The following DDX23 variants were observed in gnomAD, a reference collection of about 807,000 sequenced individuals.
DDX23 encodes probable ATP-dependent RNA helicase DDX23.
In DDX23, 33 loss-of-function variants were observed where a neutral mutation model predicts 102.7. The observed-to-expected ratio is 0.32, with a 90% CI of 0.24 to 0.43. The LOEUF is 0.43. Ranked by LOEUF, DDX23 falls within the 20% of genes least tolerant of loss-of-function variation. The pLI is 1.00. For missense variants in DDX23, 549 were observed against 1,086.6 expected, an observed-to-expected ratio of 0.51 and a Z score of 6.96; for synonymous variants, 352 against 376.0, an observed-to-expected ratio of 0.94 and a Z score of 0.74.
chr12:48,832,285 C>G lies in DDX23; in HGVS notation c.1956-99G>C. The G allele has an allele frequency of 6.5e-7, 1 of 1,541,570 alleles. No homozygotes were observed. The highest frequency in any genetic ancestry group is 2.3e-5 in the East Asian group (1 of 44,330). On this transcript the variant is annotated intron_variant, in intron 14 of 16. Coordinates refer to ENST00000308025, the MANE Select transcript of DDX23 (RefSeq NM_004818.3). This position sits in a 1 kb window ranked among gnomAD's most constrained non-coding sequence, Gnocchi z 4.4. ...AACACTACTTTCAGGGTCTTTAATG[C>G]CCATGACATTCTGCCCAAGAAAACA... is the stretch of plus-strand genomic sequence containing the variant.
At position 48,832,025 on chromosome 12, in the gene DDX23, T is replaced by C; in HGVS notation, c.2064+53A>G. ...GAAGAGCCTAGGGGGCCCTGCTAGATTCAGAAAGCAGTGCCACAGAGGCTA... is the reference window on the plus strand; with the variant it reads ...GAAGAGCCTAGGGGGCCCTGCTAGACTCAGAAAGCAGTGCCACAGAGGCTA... On this transcript the variant is annotated intron_variant, in intron 15 of 16. Transcript: ENST00000308025. This position sits in a 1 kb window ranked among gnomAD's most constrained non-coding sequence, Gnocchi z 4.4. 6.4e-7 allele frequency: 1 copy of C among 1,555,254 alleles called. No individual in the cohort carries two copies. Among genetic ancestry groups the C allele is most frequent in the East Asian group, 2.2e-5 (1 of 44,494 alleles).
At position 48,830,540 on chromosome 12, in the gene DDX23, G is replaced by A. The variant is rs1161654244; in HGVS notation, c.2392C>T (p.His798Tyr). The change falls in exon 17 of 17, where the codon CAC becomes TAC. Residue 798 changes from histidine to tyrosine, a missense_variant. This residue lies in a region of DDX23 where 38 missense variants were observed against 94.5 expected (regional missense o/e 0.40). Transcript: ENST00000308025. This position sits in a 1 kb window ranked among gnomAD's most constrained non-coding sequence, Gnocchi z 4.9. ...VSSCPPELANHPDAQHKPGTI... is the reference protein window; with the variant it reads ...VSSCPPELANYPDAQHKPGTI... ...CCTGGCTTATGCTGGGCATCTGGGTGGTTGGCTAGTTCGGGGGGACAGGAA... is the reference window on the plus strand; with the variant it reads ...CCTGGCTTATGCTGGGCATCTGGGTAGTTGGCTAGTTCGGGGGGACAGGAA... The A allele has an allele frequency of 6.2e-7, 1 of 1,613,832 alleles. No individual in the cohort carries two copies. The highest frequency in any genetic ancestry group is 8.5e-7 in the Non-Finnish European group (1 of 1,180,038).
intron 3 of DDX23, among the ~76,000 whole-genome samples, chr12:48,842,317 G>A (rs1218354603): frequency 3.5e-5 from 5 of 143,042 alleles, no homozygotes; most frequent in African/African-American, 7.8e-5. Flanking sequence ...TCCGGGAGGT[G>A]AGGGGCGCCT....
chr12:48,838,492 G>C (rs774984782), intron 5 of DDX23, among the ~76,000 whole-genome samples: 29 of 151,650 alleles, frequency 1.9e-4, no homozygotes, highest in Non-Finnish European at 3.8e-4. Flanking sequence ...TGAGGTTACA[G>C]TGAGCTGTGA....
At position 48,837,584 on chromosome 12, in the gene DDX23, C is replaced by A; in HGVS notation, c.693G>T (p.Glu231Asp). The A allele has an allele frequency of 6.2e-7, 1 of 1,614,188 alleles. No individual in the cohort carries two copies. Among genetic ancestry groups the A allele is most frequent in the South Asian group, 1.1e-5 (1 of 91,082 alleles). Residue 231 changes from glutamate to aspartate, a missense_variant, in exon 7 of 17, where the codon GAG (glutamate) becomes GAT (aspartate). Transcript: ENST00000308025. Reference sequence around the variant, plus strand: ...CTTCCCGGATCTTCTGCCGCCCTTCCTCATCCTCATTTCCATTGGTCTCCC... The same window carrying A: ...CTTCCCGGATCTTCTGCCGCCCTTCATCATCCTCATTTCCATTGGTCTCCC... ...MERETNGNED[E>D]EGRQKIREEK...
At chr12:48,843,848 A>G in intron 3 of DDX23, 92 bp downstream of exon 3, 1 of 1,430,192 alleles carries the variant, frequency 7.0e-7, no homozygotes, top group East Asian at 2.3e-5. Context: ...ACGCCTGGCG[A>G]GAAATCTACT....
At chr12:48,834,247 T>G (rs1029904402) in intron 12 of DDX23, 73 bp downstream of exon 12, 1 of 1,448,182 alleles carries the variant, frequency 6.9e-7, no homozygotes, top group Non-Finnish European at 9.4e-7. Flanking sequence ...GCACATATAT[T>G]CCAGAAACTA....
In DDX23 at chr12:48,829,815, A is replaced by T; in HGVS notation, c.*654T>A. The T allele has an allele frequency of 4.4e-6, 1 of 225,586 alleles. No homozygotes were observed. Among genetic ancestry groups the T allele is most frequent in the Non-Finnish European group, 8.9e-6 (1 of 112,742 alleles). 14.0% of individuals were successfully genotyped at this position (225,586 alleles called of 1,614,324 possible). A position where few individuals can be genotyped will look rare whatever the true frequency, so the allele number is the denominator to read the frequency against. On this transcript the variant is annotated 3_prime_UTR_variant, in exon 17 of 17. Transcript: ENST00000308025. ...ACATACAAACTTATCTTCTCAGAGA[A>T]TAGAAAACAGAGATTTCACTCAGTG... is the stretch of plus-strand genomic sequence containing the variant.
intron 6 of DDX23, 59 bp downstream of exon 6, chr12:48,837,883 G>A: frequency 1.2e-6 from 2 of 1,608,224 alleles, no homozygotes; most frequent in Admixed American, 3.3e-5. Context: ...AAGAGACACT[G>A]TATCTCATCC....
intron 12 of DDX23, 99 bp from the exon 13 acceptor site, chr12:48,833,618 AG>A: frequency 2.8e-6 from 4 of 1,452,468 alleles, no homozygotes; most frequent in Non-Finnish European, 3.7e-6. Context: ...TCCAATGCTG[AG>A]GAACTTGGAC....
At chr12:48,847,524 A>G (rs374940970) in intron 1 of DDX23, among the ~76,000 whole-genome samples, 16 of 151,990 alleles carry the variant, frequency 1.1e-4, no homozygotes, top group African/African-American at 2.9e-4. Context: ...AAAAAAAAAA[A>G]AAAGAAAGAA....
intron 1 of DDX23, among the ~76,000 whole-genome samples, chr12:48,850,919 G>A (rs1285046494): frequency 6.6e-6 from 1 of 151,946 alleles, no homozygotes; most frequent in East Asian, 1.9e-4. Context: ...ATGAGAAGAA[G>A]ACAGTAAATA....
intron 5 of DDX23, 32 bp downstream of exon 5, chr12:48,839,812 G>A (rs370263265): frequency 1.8e-4 from 288 of 1,611,072 alleles, no homozygotes; most frequent in Non-Finnish European, 2.2e-4. Flanking sequence ...ATGGCAGCCT[G>A]AGCCGATGAA....
chr12:48,845,915 G>A, intron 1 of DDX23, 133 bp from the exon 2 acceptor site: 1 of 986,664 alleles, frequency 1.0e-6, no homozygotes, highest in South Asian at 1.7e-5. Flanking sequence ...TGAGAACGGT[G>A]GAGCTCAGGT....
In DDX23 at chr12:48,836,367, G is replaced by A; in HGVS notation, c.1237-101C>T. 7.0e-7 allele frequency: 1 copy of A among 1,419,400 alleles called. No individual in the cohort carries two copies. The highest frequency in any genetic ancestry group is 9.8e-7 in the Non-Finnish European group (1 of 1,019,862). 87.9% of individuals were successfully genotyped at this position (1,419,400 alleles called of 1,614,324 possible). A position where few individuals can be genotyped will look rare whatever the true frequency, so the allele number is the denominator to read the frequency against. On this transcript the variant is annotated intron_variant, in intron 10 of 16. Transcript: ENST00000308025. This position sits in a 1 kb window ranked among gnomAD's most constrained non-coding sequence, Gnocchi z 6.1. ...ACATCTGCTAGCACAATGGAAGGATGCCAAGTACAGTTCACAGAAATAGGG... is the reference window on the plus strand; with the variant it reads ...ACATCTGCTAGCACAATGGAAGGATACCAAGTACAGTTCACAGAAATAGGG...
At chr12:48,844,357 C>T (rs1282053026) in intron 2 of DDX23, among the ~76,000 whole-genome samples, 2 of 152,118 alleles carry the variant, frequency 1.3e-5, no homozygotes, top group East Asian at 3.9e-4. Context: ...CGGCTCACTG[C>T]AGCCTCTGCC....
At chr12:48,846,895 A>G (rs1048229923) in intron 1 of DDX23, among the ~76,000 whole-genome samples, 5 of 152,158 alleles carry the variant, frequency 3.3e-5, no homozygotes, top group African/African-American at 1.2e-4. Context: ...TCTTTGGGCT[A>G]TGAACTCTAG....
At position 48,837,237 on chromosome 12, in the gene DDX23, T is replaced by G. The variant is rs530590499; in HGVS notation, c.866+44A>C. On this transcript the variant is annotated intron_variant, in intron 8 of 16. Transcript: ENST00000308025. ...TCCGTAGTCATCAGCTCTCTAGGAC[T>G]GCCTAGTGGAAAAGACCTAGAACTC... The G allele has an allele frequency of 2.1e-5, 34 of 1,595,482 alleles. No homozygotes were observed. In the East Asian group the frequency reaches 3.8e-4, roughly 18 times the overall value.
intron 3 of DDX23, among the ~76,000 whole-genome samples, chr12:48,841,214 T>C (rs1361596592): frequency 1.3e-5 from 2 of 152,010 alleles, no homozygotes; most frequent in African/African-American, 2.4e-5. Context: ...GGAGAAACCC[T>C]GTCTCTACTA....
Sources: gnomAD v4.1 joint callset for allele counts (sites outside exome capture counted in the v4.1 genomes callset) on GRCh38, gnomAD v4.1.1 for gene constraint, gnomAD v4.1.1 regional missense constraint, Gnocchi (gnomAD v3.1) non-coding constraint, MANE v1.5 for transcripts, NCBI Gene and HGNC (gene_info 2026-07-23, HGNC 2026-07-21) for gene names.